Variants in COL26A1 observed in about 807,000 individuals in gnomAD.
The protein encoded by COL26A1 is collagen alpha-1(XXVI) chain.
COL26A1 carries 41 observed loss-of-function variants against 59.3 expected under a neutral mutation model. The observed-to-expected ratio is 0.69, with a 90% CI of 0.54 to 0.90. The LOEUF is 0.90. Ranked by LOEUF, COL26A1 falls within the 40% of genes least tolerant of loss-of-function variation. The pLI is 0.00. For missense variants in COL26A1, 612 were observed against 602.3 expected (o/e 1.02, Z -0.17); for synonymous variants, 266 against 256.0 (o/e 1.04, Z -0.37).
intron 3 of COL26A1, among the ~76,000 whole-genome samples, chr7:101,526,952 G>A (rs6973617): frequency 0.33 from 49,872 of 151,922 alleles, 8,744 homozygotes; most frequent in African/African-American, 0.43. Context: ...TGAACACACC[G>A]CACAATCAAC....
intron 3 of COL26A1, among the ~76,000 whole-genome samples, chr7:101,515,446 G>T (rs1263074593): frequency 6.6e-6 from 1 of 152,028 alleles, no homozygotes; most frequent in East Asian, 1.9e-4. Flanking sequence ...ACCACACTCA[G>T]CTAATTTTTG....
intron 1 of COL26A1, among the ~76,000 whole-genome samples, chr7:101,377,111 G>A (rs1028645612): frequency 7.9e-5 from 12 of 152,060 alleles, no homozygotes; most frequent in African/African-American, 9.7e-5. Flanking sequence ...CGCCTGCCTC[G>A]GCCTCGCAAA....
chr7:101,394,897 A>T (rs1791821081), intron 1 of COL26A1, among the ~76,000 whole-genome samples: 1 of 122,746 alleles, frequency 8.1e-6, no homozygotes, highest in South Asian at 2.6e-4. Flanking sequence ...TTTTTGAGAC[A>T]GAGTCTCGTG....
chr7:101,413,609 G>A (rs559908460), intron 1 of COL26A1, among the ~76,000 whole-genome samples: 307 of 152,246 alleles, frequency 2.0e-3, no homozygotes, highest in Non-Finnish European at 2.6e-3. Context: ...GAGCAGATCC[G>A]TCCTCAAGAC....
chr7:101,478,306 A>G (rs918173775), intron 3 of COL26A1, among the ~76,000 whole-genome samples: 1 of 152,158 alleles, frequency 6.6e-6, no homozygotes, highest in Non-Finnish European at 1.5e-5. Flanking sequence ...AGAAAACACA[A>G]ACCTTTCTGT....
At chr7:101,422,902 A>G (rs1301871768) in intron 2 of COL26A1, among the ~76,000 whole-genome samples, 1 of 152,126 alleles carries the variant, frequency 6.6e-6, no homozygotes, top group African/African-American at 2.4e-5. Context: ...CAGCCTCTCA[A>G]ATTGCTGGGA....
chr7:101,446,772 G>A (rs1301783673), intron 2 of COL26A1, among the ~76,000 whole-genome samples: 2 of 151,870 alleles, frequency 1.3e-5, no homozygotes, highest in Non-Finnish European at 2.9e-5. Flanking sequence ...GCTTGAACCT[G>A]GGAGGCAGAG....
intron 1 of COL26A1, among the ~76,000 whole-genome samples, chr7:101,406,837 C>T (rs1038119182): frequency 1.3e-5 from 2 of 152,072 alleles, no homozygotes; most frequent in East Asian, 1.9e-4. Context: ...GTAGTCCCAG[C>T]TACTTGAGAG....
At chr7:101,523,163 G>A (rs1046814714) in intron 3 of COL26A1, among the ~76,000 whole-genome samples, 13 of 151,444 alleles carry the variant, frequency 8.6e-5, no homozygotes, top group Admixed American at 6.6e-5. Flanking sequence ...TCCGCCTCCC[G>A]GGTTCAAGCC....
intron 1 of COL26A1, among the ~76,000 whole-genome samples, chr7:101,376,241 G>C (rs13243252): frequency 0.41 from 62,034 of 151,896 alleles, 14,145 homozygotes; most frequent in Admixed American, 0.54. Flanking sequence ...CACTTGAGCC[G>C]AGGAGGTGGA....
At chr7:101,507,912 A>G (rs1287130409) in intron 3 of COL26A1, among the ~76,000 whole-genome samples, 3 of 152,194 alleles carry the variant, frequency 2.0e-5, no homozygotes, top group Non-Finnish European at 4.4e-5. Flanking sequence ...CAGATTAAGG[A>G]AAAAGCGCCC....
intron 3 of COL26A1, among the ~76,000 whole-genome samples, chr7:101,471,438 G>C (rs567431672): frequency 1.3e-5 from 2 of 152,078 alleles, no homozygotes; most frequent in Admixed American, 6.6e-5. Context: ...CTAAGATAAT[G>C]TATTAGAGAC....
In COL26A1 at chr7:101,555,526, C is replaced by T. The variant is rs931589787; in HGVS notation, c.1081-261C>T. ...GTGTGGATCTGCAGTCTGGATCGGC[C>T]GCTTTGCCAGGCTGTGTGGCCGTGG... On this transcript the variant is annotated intron_variant, in intron 11 of 12. Transcript: ENST00000313669. 7.9e-5 allele frequency among the ~76,000 whole-genome samples: 12 copies of T among 152,234 alleles called. 1 individual carries two copies. The highest frequency in any genetic ancestry group is 2.4e-4 in the African/African-American group (10 of 41,522).
intron 3 of COL26A1, among the ~76,000 whole-genome samples, chr7:101,488,891 A>G (rs1794326778): frequency 6.6e-6 from 1 of 152,150 alleles, no homozygotes; most frequent in African/African-American, 2.4e-5. Flanking sequence ...ACAGCTCTGT[A>G]AAGTTGTGCA....
chr7:101,537,909 C>T (rs1226335979), intron 4 of COL26A1, among the ~76,000 whole-genome samples: 1 of 152,092 alleles, frequency 6.6e-6, no homozygotes, highest in Non-Finnish European at 1.5e-5. Flanking sequence ...TCTGAGTTCC[C>T]CTTGGGATAC....
chr7:101,520,665 C>G (rs1370131404), intron 3 of COL26A1, among the ~76,000 whole-genome samples: 1 of 151,136 alleles, frequency 6.6e-6, no homozygotes, highest in Non-Finnish European at 1.5e-5. Flanking sequence ...CACACACACC[C>G]CCGTGTTCTT....
At chr7:101,495,589 T>C (rs532118509) in intron 3 of COL26A1, among the ~76,000 whole-genome samples, 2 of 151,756 alleles carry the variant, frequency 1.3e-5, no homozygotes, top group East Asian at 3.9e-4. Context: ...TATTTTTTAT[T>C]TTTTTATTTT....
intron 3 of COL26A1, among the ~76,000 whole-genome samples, chr7:101,489,649 C>CT (rs1292482995): frequency 1.3e-5 from 1 of 74,570 alleles, no homozygotes; most frequent in Admixed American, 1.2e-4. Context: ...TTCTTTCTTT[C>CT]TTTCTTTCTT....
At chr7:101,369,125 G>A (rs868246814) in intron 1 of COL26A1, among the ~76,000 whole-genome samples, 2 of 152,014 alleles carry the variant, frequency 1.3e-5, no homozygotes, top group African/African-American at 2.4e-5. Context: ...AAGCAAAGAT[G>A]GGGGGGCATG....
Sources: allele counts gnomAD v4.1 joint callset (sites outside exome capture counted in the v4.1 genomes callset), GRCh38; gene constraint gnomAD v4.1.1; transcripts MANE v1.5; gene names NCBI Gene and HGNC (gene_info 2026-07-23, HGNC 2026-07-21).